Variants in ANXA7 observed in about 807,000 individuals in gnomAD.
ANXA7 encodes the protein annexin A7.
Under a neutral mutation model 64.9 loss-of-function variants are expected in ANXA7, and 55 were observed. That is an observed-to-expected ratio of 0.85 (90% CI 0.68 to 1.06). The LOEUF is 1.06. ANXA7 is among the 50% of genes least tolerant of loss of function. The probability of loss-of-function intolerance (pLI) is 0.00; values close to 1 mark genes in which losing one functional copy is unlikely to be tolerated. For missense variants in ANXA7, 548 were observed against 582.1 expected, an observed-to-expected ratio of 0.94 and a Z score of 0.60; for synonymous variants, 200 against 192.4, an observed-to-expected ratio of 1.04 and a Z score of -0.33.
intron 6 of ANXA7, 126 bp downstream of exon 6, chr10:73,388,186 C>A (rs1045248499): frequency 1.5e-6 from 1 of 676,494 alleles, no homozygotes; most frequent in Non-Finnish European, 2.6e-6. Flanking sequence ...CACTAGACAT[C>A]AGATTAAATC....
intron 1 of ANXA7, among the ~76,000 whole-genome samples, chr10:73,403,093 G>C (rs2055697796): frequency 6.6e-6 from 1 of 152,184 alleles, no homozygotes; most frequent in Admixed American, 6.5e-5. Context: ...AAAGTGCTGG[G>C]ATTATAGGCG....
intron 5 of ANXA7, among the ~76,000 whole-genome samples, chr10:73,391,792 G>A (rs2055487361): frequency 1.3e-5 from 2 of 152,138 alleles, no homozygotes; most frequent in South Asian, 2.1e-4. Context: ...AAATCTGCCT[G>A]TGGACTTTCA....
intron 1 of ANXA7, among the ~76,000 whole-genome samples, chr10:73,411,869 GAAA>G (rs113860616): frequency 1.4e-5 from 2 of 139,178 alleles, no homozygotes; most frequent in African/African-American, 5.2e-5. Context: ...ACGTATTAAT[GAAA>G]AAAAAAAAAG....
intron 2 of ANXA7, 36 bp from the exon 3 acceptor site, chr10:73,398,421 C>G (rs1167139244): frequency 2.6e-6 from 4 of 1,561,748 alleles, no homozygotes; most frequent in Non-Finnish European, 3.5e-6. Flanking sequence ...CAAATACGAT[C>G]ATAGAGAAAT....
rs2055411796 is a variant in ANXA7 at position 73,388,325 on chromosome 10, T to C, written c.525A>G (p.Ala175=). ...AIRDAEILRK[A]MKGFGTDEQA... ...TGTTTTCCTTACCAAAACCCTTCATTGCCTTACGAAGAATTTCTGCATCTC... is the reference window on the plus strand; with the variant it reads ...TGTTTTCCTTACCAAAACCCTTCATCGCCTTACGAAGAATTTCTGCATCTC... The change falls in exon 6 of 13, where the codon GCA becomes GCG. Residue 175 remains alanine, a synonymous_variant. Transcript: ENST00000372921. 3 of 1,613,736 alleles carry C rather than the reference T, an allele frequency of 1.9e-6. No individual in the cohort carries two copies. The highest frequency in any genetic ancestry group is 3.3e-4 in the Middle Eastern group (2 of 6,062).
chr10:73,398,656 C>T (rs1209700891), intron 2 of ANXA7, among the ~76,000 whole-genome samples: 1 of 151,360 alleles, frequency 6.6e-6, no homozygotes, highest in Non-Finnish European at 1.5e-5. Context: ...GGATTCTTTA[C>T]AAACCTCAAG....
chr10:73,376,148 C>A lies in ANXA7; in HGVS notation c.1348G>T (p.Gly450Cys). 1 of 1,608,914 alleles carries A rather than the reference C, an allele frequency of 6.2e-7. No homozygotes were observed. Among genetic ancestry groups the A allele is most frequent in the Non-Finnish European group, 8.5e-7 (1 of 1,177,726 alleles). Reference sequence around the variant, plus strand: ...CTTCGGTAATCTCCACTCGTGTCACCTGCAATCATTGTGCCCAGAGTCTTC... The same window carrying A: ...CTTCGGTAATCTCCACTCGTGTCACATGCAATCATTGTGCCCAGAGTCTTC... ...YQKTLGTMIAGDTSGDYRRLL... is the reference protein window; with the variant it reads ...YQKTLGTMIACDTSGDYRRLL... The change falls in exon 13 of 13, where the codon GGT becomes TGT. Residue 450 changes from glycine (G) to cysteine (C), a missense_variant. Gly to Cys is a radical substitution (Grantham distance 159). Coordinates refer to ENST00000372921, the MANE Select transcript of ANXA7 (RefSeq NM_001156.5).
At chr10:73,411,388 C>T (rs1046168090) in intron 1 of ANXA7, among the ~76,000 whole-genome samples, 10 of 152,016 alleles carry the variant, frequency 6.6e-5, no homozygotes, top group Non-Finnish European at 1.2e-4. Flanking sequence ...AATTCACCAC[C>T]ATATAATTCA....
chr10:73,405,372 T>C (rs2055739757), intron 1 of ANXA7, among the ~76,000 whole-genome samples: 1 of 150,052 alleles, frequency 6.7e-6, no homozygotes, highest in Non-Finnish European at 1.5e-5. Context: ...TGAAACCCTG[T>C]CTCTACTAAA....
At chr10:73,386,025 C>G (rs1243311588) in intron 7 of ANXA7, among the ~76,000 whole-genome samples, 1 of 152,048 alleles carries the variant, frequency 6.6e-6, no homozygotes, top group African/African-American at 2.4e-5. Flanking sequence ...ACCACACTTG[C>G]TAACATGGCA....
chr10:73,413,935 G>C (rs2055882954), intron 1 of ANXA7, 77 bp downstream of exon 1: 1 of 152,874 alleles, frequency 6.5e-6, no homozygotes, highest in Non-Finnish European at 1.5e-5. Context: ...CACCGGGACA[G>C]CAGCGCCCAG....
At chr10:73,394,331 C>T (rs146957195) in intron 5 of ANXA7, among the ~76,000 whole-genome samples, 6,795 of 152,174 alleles carry the variant, frequency 0.045, 460 homozygotes, top group African/African-American at 0.15. Context: ...GAACTAGAAA[C>T]ACCATTTGAC....
At chr10:73,386,127 T>C (rs1786859926) in intron 7 of ANXA7, among the ~76,000 whole-genome samples, 1 of 149,626 alleles carries the variant, frequency 6.7e-6, no homozygotes, top group Non-Finnish European at 1.5e-5. Flanking sequence ...GGCACGAAAA[T>C]CGCTCTTGCC....
chr10:73,395,016 GGTT>G (rs2055547700), intron 5 of ANXA7, among the ~76,000 whole-genome samples: 1 of 152,120 alleles, frequency 6.6e-6, no homozygotes, highest in South Asian at 2.1e-4. Context: ...AGTGATTACA[GGTT>G]TATAATATGA....
At chr10:73,378,864 A>AT (rs762095913) in intron 12 of ANXA7, 47 bp downstream of exon 12, 344 of 1,421,372 alleles carry the variant, frequency 2.4e-4, no homozygotes, top group Non-Finnish European at 3.2e-4. Flanking sequence ...AGAAATCAAC[A>AT]TTGAACATCA....
intron 5 of ANXA7, among the ~76,000 whole-genome samples, chr10:73,395,621 TA>T (rs1348050754): frequency 6.6e-6 from 1 of 151,930 alleles, no homozygotes; most frequent in Non-Finnish European, 1.5e-5. Flanking sequence ...CTGTCTCTAC[TA>T]AAAATACAAA....
In ANXA7 at chr10:73,380,151, A is replaced by G; in HGVS notation, c.969T>C (p.Asp323=). The G allele has an allele frequency of 6.2e-7, 1 of 1,614,172 alleles. No homozygotes were observed. The highest frequency in any genetic ancestry group is 2.2e-5 in the East Asian group (1 of 44,882). The change falls in exon 10 of 13, where the codon GAT becomes GAC. Residue 323 remains aspartate (D), a synonymous_variant. Coordinates refer to ENST00000372921, the MANE Select transcript of ANXA7 (RefSeq NM_001156.5). ...CACCAGCTTGATAGAGACGCTGAGC[A>G]TCTTCCTGAGCCATTTGGTGGTTTA... ...QSINHQMAQE[D]AQRLYQAGEG...
At chr10:73,397,386 T>C (rs2055593450) in intron 3 of ANXA7, 112 bp from the exon 4 acceptor site, 2 of 474,710 alleles carry the variant, frequency 4.2e-6, no homozygotes, top group African/African-American at 2.0e-5. Flanking sequence ...AATGCTATAA[T>C]AGCAGTCCCT....
chr10:73,384,505 G>A (rs149630911), intron 7 of ANXA7, among the ~76,000 whole-genome samples: 8 of 151,830 alleles, frequency 5.3e-5, no homozygotes, highest in Admixed American at 2.6e-4. Context: ...GGGTTCAAGC[G>A]CTTCTCCTTC....
Sources: gnomAD v4.1 joint callset for allele counts (sites outside exome capture counted in the v4.1 genomes callset) on GRCh38, gnomAD v4.1.1 for gene constraint, MANE v1.5 for transcripts, NCBI Gene and HGNC (gene_info 2026-07-23, HGNC 2026-07-21) for gene names.